Variants in LSAMP observed in about 807,000 individuals in gnomAD.
The protein encoded by LSAMP is limbic system associated membrane protein, also known as limbic system-associated membrane protein.
In LSAMP, 7 loss-of-function variants were observed where a neutral mutation model predicts 38.6. The ratio of observed to expected loss-of-function variants is 0.18; its 90% CI spans 0.10 to 0.34. LSAMP has a LOEUF of 0.34. Ranked by LOEUF, LSAMP falls within the 10% of genes least tolerant of loss-of-function variation. LSAMP has a pLI of 1.00. For missense variants in LSAMP, 313 were observed against 420.0 expected (o/e 0.75, Z 2.23); for synonymous variants, 154 against 166.8 (o/e 0.92, Z 0.59).
At chr3:116,391,229 G>A (rs1002014508) in intron 1 of LSAMP, among the ~76,000 whole-genome samples, 2 of 151,742 alleles carry the variant, frequency 1.3e-5, no homozygotes, top group Non-Finnish European at 1.5e-5. Context: ...TGCTGCCATC[G>A]CGCTGGCAGT....
At chr3:116,268,600 C>T (rs1186422748) in intron 1 of LSAMP, among the ~76,000 whole-genome samples, 3 of 152,046 alleles carry the variant, frequency 2.0e-5, no homozygotes, top group Admixed American at 6.6e-5. Flanking sequence ...GTGAACTTGG[C>T]AAACATAGAG....
intron 1 of LSAMP, among the ~76,000 whole-genome samples, chr3:116,131,195 A>G (rs573670184): frequency 4.0e-4 from 61 of 151,834 alleles, no homozygotes; most frequent in South Asian, 6.3e-4. Context: ...GTTTCACTGT[A>G]TTAGCCAGGA....
At chr3:116,204,202 T>G (rs1228333558) in intron 1 of LSAMP, among the ~76,000 whole-genome samples, 3 of 151,910 alleles carry the variant, frequency 2.0e-5, no homozygotes, top group African/African-American at 7.3e-5. Flanking sequence ...ATGTCTTCTT[T>G]TGAGAAGTGT....
At chr3:116,090,488 G>A (rs1340633260) in intron 1 of LSAMP, among the ~76,000 whole-genome samples, 1 of 152,030 alleles carries the variant, frequency 6.6e-6, no homozygotes, top group Non-Finnish European at 1.5e-5. Flanking sequence ...GAGAATTCTC[G>A]GGCCATGCCA....
intron 2 of LSAMP, among the ~76,000 whole-genome samples, chr3:116,080,743 AG>A (rs1707854207): frequency 6.6e-6 from 1 of 152,254 alleles, no homozygotes; most frequent in South Asian, 2.1e-4. Flanking sequence ...AAAAATTAGT[AG>A]ACTTCAGCAT....
rs549979706 is a variant in LSAMP at position 116,070,312 on chromosome 3, T to C, written c.388+16012A>G. Among the ~76,000 whole-genome samples the C allele has an allele frequency of 1.6e-4, 24 of 152,240 alleles. No homozygotes were observed. In the South Asian group the frequency reaches 4.3e-3, roughly 28 times the overall value. ...CTCAACTGAGATTAGCAGGACTTTA[T>C]AGGGTACACAGCAAAATGTTATTAT... is the stretch of plus-strand genomic sequence containing the variant. On this transcript the variant is annotated intron_variant, in intron 2 of 6. Coordinates refer to ENST00000490035, the MANE Select transcript of LSAMP (RefSeq NM_002338.5).
chr3:116,040,240 T>C (rs1171459337), intron 2 of LSAMP, among the ~76,000 whole-genome samples: 1 of 152,134 alleles, frequency 6.6e-6, no homozygotes, highest in Non-Finnish European at 1.5e-5. Flanking sequence ...GAAAATTCAA[T>C]GCGTATGTTC....
chr3:115,997,775 C>G (rs2107653181), intron 3 of LSAMP, among the ~76,000 whole-genome samples: 1 of 136,470 alleles, frequency 7.3e-6, no homozygotes, highest in Admixed American at 7.5e-5. Context: ...CATACACACA[C>G]ATATATTTAA....
intron 1 of LSAMP, among the ~76,000 whole-genome samples, chr3:116,234,939 T>A (rs909873253): frequency 5.3e-5 from 8 of 152,144 alleles, no homozygotes; most frequent in Non-Finnish European, 1.0e-4. Context: ...ATAAAGATAC[T>A]AAAGGCACTG....
chr3:116,167,337 A>G (rs1211505458), intron 1 of LSAMP, among the ~76,000 whole-genome samples: 1 of 152,214 alleles, frequency 6.6e-6, no homozygotes, highest in East Asian at 1.9e-4. Context: ...ATGTAGTTGT[A>G]CTGCACATGA....
intron 3 of LSAMP, among the ~76,000 whole-genome samples, chr3:115,961,432 C>G (rs972042370): frequency 6.6e-6 from 1 of 152,134 alleles, no homozygotes; most frequent in African/African-American, 2.4e-5. Flanking sequence ...GCAAGAAGCA[C>G]GAAGAAAAGC....
chr3:115,986,629 T>G (rs1939516845), intron 3 of LSAMP, among the ~76,000 whole-genome samples: 1 of 151,538 alleles, frequency 6.6e-6, no homozygotes, highest in African/African-American at 2.4e-5. Context: ...TCAGATGTGA[T>G]TAAGGAAATA....
At chr3:116,309,940 A>G (rs1156238908) in intron 1 of LSAMP, among the ~76,000 whole-genome samples, 5 of 152,084 alleles carry the variant, frequency 3.3e-5, no homozygotes, top group Non-Finnish European at 5.9e-5. Context: ...TCCATGGTCA[A>G]CCTTTTTTGA....
intron 3 of LSAMP, among the ~76,000 whole-genome samples, chr3:115,913,982 T>A (rs1331799320): frequency 6.6e-6 from 1 of 151,928 alleles, no homozygotes; most frequent in African/African-American, 2.4e-5. Flanking sequence ...ATTAAATCTT[T>A]AAAAAAATAA....
At position 115,952,555 on chromosome 3, in the gene LSAMP, G is replaced by A. The variant is rs546396217; in HGVS notation, c.514+66960C>T. ...GCATAAGAATAGTGCAACGGACTTT[G>A]GGGATTCAGGGGGAATGGTGAGAGG... On this transcript the variant is annotated intron_variant, in intron 3 of 6. Coordinates refer to ENST00000490035, the MANE Select transcript of LSAMP (RefSeq NM_002338.5). 3.3e-5 allele frequency among the ~76,000 whole-genome samples: 5 copies of A among 152,272 alleles called. No individual in the cohort carries two copies. The South Asian group carries it at 1.0e-3, about 32-fold the overall frequency.
Position 116,075,393 on chromosome 3 carries a change from C to T in LSAMP, c.388+10931G>A, listed in dbSNP as rs1576347932. On this transcript the variant is annotated intron_variant, in intron 2 of 6. Coordinates refer to ENST00000490035, the MANE Select transcript of LSAMP (RefSeq NM_002338.5). ...CCTCGTGATCCGCCCGCCTCAGCCT[C>T]CCAAAGTGCTGGGATTACAGGCGTG... Among the ~76,000 whole-genome samples, 3 of 152,018 alleles carry T rather than the reference C, an allele frequency of 2.0e-5. No individual in the cohort carries two copies. In the East Asian group the frequency reaches 5.8e-4, roughly 29 times the overall value.
chr3:115,822,107 A>G (rs1318200871), intron 6 of LSAMP, among the ~76,000 whole-genome samples: 1 of 152,188 alleles, frequency 6.6e-6, no homozygotes, highest in Non-Finnish European at 1.5e-5. Context: ...CTTTTGCCAT[A>G]GAAAAGTATT....
intron 6 of LSAMP, among the ~76,000 whole-genome samples, chr3:115,831,489 G>A (rs928659969): frequency 1.3e-5 from 2 of 152,010 alleles, no homozygotes; most frequent in African/African-American, 4.8e-5. Context: ...CTGAACCTAC[G>A]GTCCTCAATG....
At chr3:116,394,652 C>T (rs569090709) in intron 1 of LSAMP, among the ~76,000 whole-genome samples, 122 of 152,170 alleles carry the variant, frequency 8.0e-4, no homozygotes, top group African/African-American at 2.8e-3. Flanking sequence ...AAAAACCACA[C>T]ACTGAGATCC....
Sources: gnomAD v4.1 joint callset for allele counts (sites outside exome capture counted in the v4.1 genomes callset) on GRCh38, gnomAD v4.1.1 for gene constraint, MANE v1.5 for transcripts, NCBI Gene and HGNC (gene_info 2026-07-23, HGNC 2026-07-21) for gene names.